PCCA: variants seen among roughly 807,000 people sequenced by gnomAD.
The protein encoded by PCCA is propionyl-CoA carboxylase subunit alpha.
A neutral mutation model predicts 101.3 loss-of-function variants in PCCA; 74 were observed. That is an observed-to-expected ratio of 0.73 (90% CI 0.61 to 0.89). The LOEUF (loss-of-function observed/expected upper bound fraction) is 0.89, where lower values mean the gene tolerates loss of function less well. PCCA is among the 40% of genes least tolerant of loss of function. The probability of loss-of-function intolerance (pLI) is 0.00; values close to 1 mark genes in which losing one functional copy is unlikely to be tolerated. For missense variants in PCCA, 891 were observed against 907.0 expected, an observed-to-expected ratio of 0.98 and a Z score of 0.23; for synonymous variants, 294 against 313.6, an observed-to-expected ratio of 0.94 and a Z score of 0.66.
chr13:100,431,980 A>G (rs2079585331), intron 20 of PCCA, among the ~76,000 whole-genome samples: 1 of 152,124 alleles, frequency 6.6e-6, no homozygotes, highest in African/African-American at 2.4e-5. Flanking sequence ...ACCTGAGGTA[A>G]GGCGTTTGAT....
At chr13:100,246,200 C>A (rs1458344370) in intron 8 of PCCA, among the ~76,000 whole-genome samples, 4 of 152,120 alleles carry the variant, frequency 2.6e-5, no homozygotes, top group African/African-American at 9.7e-5. Context: ...GGGATCTGGG[C>A]AGAAAACTGT....
At chr13:100,328,689 A>ATTTTTTTTTTT (rs757599001) in intron 16 of PCCA, among the ~76,000 whole-genome samples, 7 of 98,220 alleles carry the variant, frequency 7.1e-5, no homozygotes, top group East Asian at 3.6e-4. Context: ...GTTGAGGTTA[A>ATTTTTTTTTTT]TTTTTTTTTT....
At chr13:100,359,604 A>G (rs560983962) in intron 18 of PCCA, among the ~76,000 whole-genome samples, 1 of 152,370 alleles carries the variant, frequency 6.6e-6, no homozygotes, top group East Asian at 1.9e-4. Context: ...AGACACCGTC[A>G]CTAGTTAGAG....
At chr13:100,270,835 C>G (rs1399078220) in intron 11 of PCCA, among the ~76,000 whole-genome samples, 1 of 151,884 alleles carries the variant, frequency 6.6e-6, no homozygotes, top group Non-Finnish European at 1.5e-5. Context: ...GTAGTGGGAC[C>G]TCATCTTCAC....
intron 6 of PCCA, among the ~76,000 whole-genome samples, chr13:100,208,393 ATGCAG>A (rs1428840454): frequency 6.6e-6 from 1 of 152,174 alleles, no homozygotes; most frequent in Admixed American, 6.5e-5. Context: ...ATATACAAAT[ATGCAG>A]TTTATTGTTT....
Position 100,273,126 on chromosome 13 carries a change from T to TATCTC in PCCA, c.915-68_915-67insCTCAT, listed in dbSNP as rs2063408825. On this transcript the variant is annotated intron_variant, in intron 11 of 23. Transcript: ENST00000376285. ...TCTGAGTAAACTTTAAGAAAATGTT[T>TATCTC]ATGTAATGCACACAAAAGATAACTT... The TATCTC allele has an allele frequency of 2.2e-5, 25 of 1,124,440 alleles. 1 individual carries two copies. In the South Asian group the frequency reaches 3.0e-4, roughly 14 times the overall value. 69.7% of individuals were successfully genotyped at this position (1,124,440 alleles called of 1,614,324 possible). A position where few individuals can be genotyped will look rare whatever the true frequency, so the allele number is the denominator to read the frequency against.
chr13:100,150,630 G>A (rs1172044534), intron 4 of PCCA: 3 of 1,254,808 alleles, frequency 2.4e-6, no homozygotes, highest in Non-Finnish European at 3.5e-6. Flanking sequence ...CCTGTGCTGT[G>A]GACTGATTTG....
At chr13:100,286,918 C>T (rs1281080709) in intron 12 of PCCA, among the ~76,000 whole-genome samples, 2 of 151,960 alleles carry the variant, frequency 1.3e-5, no homozygotes, top group South Asian at 2.1e-4. Context: ...TAAATCTTCT[C>T]TTTGTGATTT....
chr13:100,512,893 C>T (rs570352698), intron 21 of PCCA, among the ~76,000 whole-genome samples: 1 of 152,370 alleles, frequency 6.6e-6, no homozygotes, highest in Admixed American at 6.5e-5. Context: ...GGTAGGGGCA[C>T]ATTCCTGAAG....
At chr13:100,210,743 C>T (rs1429714188) in intron 7 of PCCA, among the ~76,000 whole-genome samples, 2 of 152,150 alleles carry the variant, frequency 1.3e-5, no homozygotes, top group Non-Finnish European at 2.9e-5. Flanking sequence ...CTCTTCATTT[C>T]AGCATTTCGT....
intron 21 of PCCA, among the ~76,000 whole-genome samples, chr13:100,503,486 A>AT: frequency 6.6e-6 from 1 of 151,964 alleles, no homozygotes; most frequent in Non-Finnish European, 1.5e-5. Context: ...GCGAAACTCC[A>AT]TCCCCCCCCA....
chr13:100,429,875 G>C (rs2079414796), intron 20 of PCCA, among the ~76,000 whole-genome samples: 1 of 151,622 alleles, frequency 6.6e-6, no homozygotes, highest in Non-Finnish European at 1.5e-5. Flanking sequence ...CTAAAGTGCT[G>C]GGATTACAGG....
At chr13:100,297,625 G>A (rs1252443847) in intron 12 of PCCA, among the ~76,000 whole-genome samples, 1 of 152,136 alleles carries the variant, frequency 6.6e-6, no homozygotes, top group East Asian at 1.9e-4. Context: ...GTGACAGCTT[G>A]GTGGTGATTA....
chr13:100,253,719 CTG>C (rs2061895750), intron 8 of PCCA, among the ~76,000 whole-genome samples: 1 of 152,056 alleles, frequency 6.6e-6, no homozygotes, highest in Admixed American at 6.6e-5. Context: ...GGAGTGGAGA[CTG>C]TCTCTGTGTT....
intron 23 of PCCA, 21 bp from the exon 24 acceptor site, chr13:100,530,077 C>T: frequency 6.2e-7 from 1 of 1,604,492 alleles, no homozygotes. Flanking sequence ...TCCCCTCCCC[C>T]TGCATTTTTC....
At chr13:100,473,957 C>CT (rs1366446305) in intron 21 of PCCA, among the ~76,000 whole-genome samples, 1 of 152,166 alleles carries the variant, frequency 6.6e-6, no homozygotes, top group East Asian at 1.9e-4. Context: ...CTTACTGTGA[C>CT]TTTTTTGTGG....
In PCCA at chr13:100,468,390, G is replaced by T. The variant is rs576363067; in HGVS notation, c.1899+19085G>T. On this transcript the variant is annotated intron_variant, in intron 21 of 23. Coordinates refer to ENST00000376285, the MANE Select transcript of PCCA (RefSeq NM_000282.4). ...GCCAGAGGTTTACTTCTCCTCTCTA[G>T]TTGTGAAAGTTAGATGACATCTTCT... Among the ~76,000 whole-genome samples the T allele has an allele frequency of 3.9e-5, 6 of 152,212 alleles. No homozygotes were observed. The East Asian group carries it at 5.8e-4, about 15-fold the overall frequency.
chr13:100,151,753 C>T (rs2053353169), intron 4 of PCCA, among the ~76,000 whole-genome samples: 1 of 152,152 alleles, frequency 6.6e-6, no homozygotes, highest in Non-Finnish European at 1.5e-5. Context: ...AAATGCTTTA[C>T]TTTTCTTTTT....
chr13:100,123,833 C>T (rs2049684171), intron 4 of PCCA, among the ~76,000 whole-genome samples: 1 of 152,068 alleles, frequency 6.6e-6, no homozygotes, highest in South Asian at 2.1e-4. Context: ...AAGAGGGTCT[C>T]ATGAATATTA....
Sources: gnomAD v4.1 joint callset for allele counts (sites outside exome capture counted in the v4.1 genomes callset) on GRCh38, gnomAD v4.1.1 for gene constraint, MANE v1.5 for transcripts, NCBI Gene and HGNC (gene_info 2026-07-23, HGNC 2026-07-21) for gene names.